The following NFIB variants were observed in gnomAD, a reference collection of about 807,000 sequenced individuals.
The protein encoded by NFIB is nuclear factor I B.
In NFIB, 11 loss-of-function variants were observed where a neutral mutation model predicts 61.5. The observed-to-expected ratio is 0.18, with a 90% CI of 0.11 to 0.30. The LOEUF (loss-of-function observed/expected upper bound fraction) is 0.30. Among genes scored for constraint, NFIB ranks in the 10% least tolerant of loss-of-function variants. NFIB has a pLI of 1.00. For synonymous variants in NFIB, 260 were observed against 216.5 expected (o/e 1.20, Z -1.76); for missense variants, 471 against 608.9 (o/e 0.77, Z 2.38).
chr9:14,300,483 C>T (rs980569358), intron 2 of NFIB, among the ~76,000 whole-genome samples: 3 of 152,164 alleles, frequency 2.0e-5, no homozygotes, highest in African/African-American at 7.2e-5. Context: ...CTTTCATAAA[C>T]CAAAGAGAAA....
At chr9:14,337,667 C>T (rs1040981261) in intron 1 of NFIB, among the ~76,000 whole-genome samples, 1 of 152,186 alleles carries the variant, frequency 6.6e-6, no homozygotes, top group African/African-American at 2.4e-5. Flanking sequence ...GGGACACATG[C>T]CCAGGCCACA....
At chr9:14,306,274 T>A (rs2060014396) in intron 2 of NFIB, among the ~76,000 whole-genome samples, 1 of 152,186 alleles carries the variant, frequency 6.6e-6, no homozygotes, top group African/African-American at 2.4e-5. Context: ...GTAAGTTTTA[T>A]GAATTTACAT....
chr9:14,129,664 C>A (rs948105685), intron 6 of NFIB, among the ~76,000 whole-genome samples: 5 of 152,044 alleles, frequency 3.3e-5, no homozygotes, highest in African/African-American at 7.2e-5. Flanking sequence ...AGAAAAGATA[C>A]TTTAAAGTGA....
the NFIB span, among the ~76,000 whole-genome samples, chr9:14,442,776 G>A: frequency 1.3e-5 from 2 of 152,124 alleles, no homozygotes; most frequent in South Asian, 2.1e-4. Context: ...TGAGGATCTG[G>A]GGGTTCAAGT....
intron 2 of NFIB, among the ~76,000 whole-genome samples, chr9:14,258,174 C>G (rs899071787): frequency 1.3e-5 from 2 of 152,196 alleles, no homozygotes; most frequent in African/African-American, 4.8e-5. Context: ...AACATTCATT[C>G]AGATCTACCA....
intron 3 of NFIB, among the ~76,000 whole-genome samples, chr9:14,176,572 T>G (rs1447610749): frequency 6.6e-6 from 1 of 152,178 alleles, no homozygotes; most frequent in Non-Finnish European, 1.5e-5. Flanking sequence ...TACTTAAATA[T>G]TTTATAAAAT....
the NFIB span, among the ~76,000 whole-genome samples, chr9:14,458,409 C>T: frequency 2.6e-5 from 4 of 152,030 alleles, no homozygotes; most frequent in African/African-American, 9.7e-5. Context: ...CAGCCAATAT[C>T]ATACTGAATG....
chr9:14,126,037 T>G (rs891094301), intron 6 of NFIB, among the ~76,000 whole-genome samples: 3 of 152,254 alleles, frequency 2.0e-5, no homozygotes, highest in Admixed American at 6.5e-5. Context: ...AAACCCAAAG[T>G]CTTGTTTCCT....
At chr9:14,229,362 G>A (rs542471652) in intron 2 of NFIB, among the ~76,000 whole-genome samples, 20 of 152,266 alleles carry the variant, frequency 1.3e-4, no homozygotes, top group African/African-American at 4.3e-4. Flanking sequence ...ATGGCCTTAT[G>A]AAGAATTATG....
chr9:14,195,470 A>G (rs970002538), intron 2 of NFIB, among the ~76,000 whole-genome samples: 1 of 152,394 alleles, frequency 6.6e-6, no homozygotes, highest in Admixed American at 6.5e-5. Context: ...CAGAGAAATA[A>G]TCTCAAAGAA....
At chr9:14,410,104 A>G in the NFIB span, among the ~76,000 whole-genome samples, 3 of 152,206 alleles carry the variant, frequency 2.0e-5, no homozygotes, top group South Asian at 6.2e-4. Context: ...AAGTCATTTT[A>G]ACATTTAAAA....
intron 1 of NFIB, among the ~76,000 whole-genome samples, chr9:14,385,592 A>G (rs1212193732): frequency 2.0e-5 from 3 of 152,326 alleles, no homozygotes; most frequent in Admixed American, 2.0e-4. Context: ...AGGAAGGAAA[A>G]AAACCCACCA....
At chr9:14,485,904 A>AC in the NFIB span, among the ~76,000 whole-genome samples, 3,543 of 149,124 alleles carry the variant, frequency 0.024, 107 homozygotes, top group Admixed American at 0.068. Context: ...ACAAAAAACA[A>AC]CCCCCCCCAC....
the NFIB span, among the ~76,000 whole-genome samples, chr9:14,523,877 C>T: frequency 6.6e-6 from 1 of 152,128 alleles, no homozygotes; most frequent in African/African-American, 2.4e-5. Context: ...TATGGGCCTT[C>T]TTCTTACTCT....
intron 10 of NFIB, 116 bp from the exon 11 acceptor site, chr9:14,088,442 A>G (rs555382244): frequency 1.8e-6 from 2 of 1,107,940 alleles, no homozygotes; most frequent in East Asian, 3.1e-5. Context: ...TGCTATCCCT[A>G]TTTTCAAAAT....
intron 10 of NFIB, among the ~76,000 whole-genome samples, chr9:14,111,080 A>C (rs1000637748): frequency 2.6e-5 from 4 of 152,114 alleles, no homozygotes; most frequent in Non-Finnish European, 4.4e-5. Flanking sequence ...TCTCGATTCA[A>C]TGTTGTCCAC....
At chr9:14,249,627 T>C (rs1271508299) in intron 2 of NFIB, among the ~76,000 whole-genome samples, 2 of 151,380 alleles carry the variant, frequency 1.3e-5, no homozygotes, top group African/African-American at 4.9e-5. Flanking sequence ...TCACTGACAA[T>C]AGTAGATACT....
chr9:14,243,284 T>A (rs1273782994), intron 2 of NFIB, among the ~76,000 whole-genome samples: 1 of 152,164 alleles, frequency 6.6e-6, no homozygotes, highest in East Asian at 1.9e-4. Flanking sequence ...AACTAATTAT[T>A]TGAAAGAGAA....
chr9:14,466,712 CCT>C, the NFIB span, among the ~76,000 whole-genome samples: 18 of 152,286 alleles, frequency 1.2e-4, no homozygotes, highest in South Asian at 1.7e-3. Flanking sequence ...GTGTCTCCTC[CCT>C]CTCTATTCTT....
Sources: allele counts gnomAD v4.1 joint callset (sites outside exome capture counted in the v4.1 genomes callset), GRCh38; gene constraint gnomAD v4.1.1; transcripts MANE v1.5; gene names NCBI Gene and HGNC (gene_info 2026-07-23, HGNC 2026-07-21).